Variants in TAF5L observed in about 807,000 individuals in gnomAD.
TAF5L encodes the protein TATA-box binding protein associated factor 5 like.
A neutral mutation model predicts 51.3 loss-of-function variants in TAF5L; 7 were observed. That is an observed-to-expected ratio of 0.14 (90% confidence interval 0.08 to 0.26). TAF5L has a LOEUF of 0.26. Ranked by LOEUF, TAF5L falls within the 10% of genes least tolerant of loss-of-function variation. The probability of loss-of-function intolerance (pLI) is 1.00; values close to 1 mark genes in which losing one functional copy is unlikely to be tolerated. For missense variants in TAF5L, 575 were observed against 758.9 expected (o/e 0.76, Z 2.85); for synonymous variants, 291 against 308.1 (o/e 0.94, Z 0.58).
chr1:229,622,053 CTATCTATCTATCTATA>C (rs1665223703), intron 1 of TAF5L, among the ~76,000 whole-genome samples: 1 of 141,058 alleles, frequency 7.1e-6, no homozygotes, highest in Non-Finnish European at 1.5e-5. Context: ...ATCTATCTAT[CTATCTATCTATCTATA>C]CAGATAGATA....
intron 2 of TAF5L, among the ~76,000 whole-genome samples, chr1:229,613,855 TA>T (rs1327643797): frequency 6.6e-6 from 1 of 151,932 alleles, no homozygotes; most frequent in Admixed American, 6.6e-5. Context: ...AAAAACAAAT[TA>T]AAAAAACTTC....
At chr1:229,612,121 A>G (rs951273240) in intron 2 of TAF5L, among the ~76,000 whole-genome samples, 1 of 152,266 alleles carries the variant, frequency 6.6e-6, no homozygotes, top group Non-Finnish European at 1.5e-5. Context: ...CACTTGGCCT[A>G]TAGCAGATGT....
intron 2 of TAF5L, among the ~76,000 whole-genome samples, chr1:229,610,561 A>G (rs1203828428): frequency 6.6e-6 from 1 of 152,208 alleles, no homozygotes; most frequent in African/African-American, 2.4e-5. Context: ...TTCATTGTCA[A>G]TCACTGTGCT....
chr1:229,603,770 G>A (rs1664478673), intron 3 of TAF5L, among the ~76,000 whole-genome samples: 1 of 152,254 alleles, frequency 6.6e-6, no homozygotes, highest in South Asian at 2.1e-4. Flanking sequence ...GGGTGAATGA[G>A]AAAAGAACAG....
Position 229,594,132 on chromosome 1 carries a change from C to A in TAF5L, c.*165G>T. 3 of 774,064 alleles carry A rather than the reference C, an allele frequency of 3.9e-6. 1 individual carries two copies. In the South Asian group the frequency reaches 5.7e-5, roughly 15 times the overall value. 47.9% of individuals were successfully genotyped at this position (774,064 alleles called of 1,614,324 possible). A position where few individuals can be genotyped will look rare whatever the true frequency, so the allele number is the denominator to read the frequency against. On this transcript the variant is annotated 3_prime_UTR_variant, in exon 5 of 5. Transcript: ENST00000258281. The surrounding 1 kb of genome is among the most constrained non-coding windows in gnomAD (Gnocchi z 7.9). ...TGTTCCCCTCCCCAACCTTGGCCTT[C>A]GACACTGGGGGGCTGAGTGAAGGGG... is the stretch of plus-strand genomic sequence containing the variant.
At chr1:229,624,941 T>C (rs1023184596) in intron 1 of TAF5L, among the ~76,000 whole-genome samples, 32 of 152,302 alleles carry the variant, frequency 2.1e-4, no homozygotes, top group African/African-American at 7.2e-4. Context: ...TTAATGTTCC[T>C]CTCAGCACAG....
rs1665265078 is a variant in TAF5L, at chr1:229,622,829, G to A, written c.-4+3056C>T. Among the ~76,000 whole-genome samples the A allele has an allele frequency of 2.0e-5, 3 of 152,112 alleles. No individual in the cohort carries two copies. The South Asian group carries it at 6.2e-4, about 32-fold the overall frequency. ...GGAGTCTCACTACGCTGCCCAGGTT[G>A]ATCTCAAACTCCTGTGCTCAAGTGA... On this transcript the variant is annotated intron_variant, in intron 1 of 4. Transcript: ENST00000258281.
chr1:229,599,019 T>C (rs1370074564), intron 4 of TAF5L, among the ~76,000 whole-genome samples: 1 of 152,156 alleles, frequency 6.6e-6, no homozygotes, highest in Non-Finnish European at 1.5e-5. Flanking sequence ...TATCTCCATT[T>C]CATATAGAAC....
Position 229,594,798 on chromosome 1 carries a change from T to C in TAF5L, c.1269A>G (p.Ala423=). 6.2e-7 allele frequency: 1 copy of C among 1,614,218 alleles called. No individual in the cohort carries two copies. Among genetic ancestry groups the C allele is most frequent in the Non-Finnish European group, 8.5e-7 (1 of 1,180,028 alleles). ...CACAGTCCACATCTGCCAGGTGTCC[T>C]GCATATATCCTCAGCGGGTACGTCC... The change falls in exon 5 of 5, where the codon GCA becomes GCG. Residue 423 remains alanine (A), a synonymous_variant. Coordinates refer to ENST00000258281, the Ensembl canonical transcript of TAF5L. The surrounding 1 kb of genome is among the most constrained non-coding windows in gnomAD (Gnocchi z 7.9).
intron 4 of TAF5L, among the ~76,000 whole-genome samples, chr1:229,595,427 T>G (rs1440456822): frequency 6.6e-6 from 1 of 152,244 alleles, no homozygotes; most frequent in Non-Finnish European, 1.5e-5. Context: ...CTTGTATGGT[T>G]AATTCTGATG....
At chr1:229,601,980 A>G in intron 4 of TAF5L, 1 of 1,385,664 alleles carries the variant, frequency 7.2e-7, no homozygotes, top group Non-Finnish European at 9.4e-7. Context: ...CTGACCATTC[A>G]TTAATAAGAA....
At chr1:229,613,136 G>T (rs1351095132) in intron 2 of TAF5L, among the ~76,000 whole-genome samples, 1 of 150,224 alleles carries the variant, frequency 6.7e-6, no homozygotes, top group African/African-American at 2.5e-5. Flanking sequence ...TGGACAACAT[G>T]GTAAGACCCC....
chr1:229,604,770 T>C (rs1664519716), intron 3 of TAF5L, among the ~76,000 whole-genome samples: 1 of 152,168 alleles, frequency 6.6e-6, no homozygotes, highest in South Asian at 2.1e-4. Context: ...GAGGCAACCA[T>C]GAATACCAGC....
chr1:229,615,278 G>T (rs958111159), intron 1 of TAF5L, among the ~76,000 whole-genome samples: 4 of 152,070 alleles, frequency 2.6e-5, no homozygotes, highest in Non-Finnish European at 5.9e-5. Flanking sequence ...TAGTAGAGAC[G>T]GGGTTTCACC....
chr1:229,618,816 C>G (rs1665100404), intron 1 of TAF5L, among the ~76,000 whole-genome samples: 1 of 152,108 alleles, frequency 6.6e-6, no homozygotes, highest in Non-Finnish European at 1.5e-5. Flanking sequence ...GCACCCTCAT[C>G]CACCATATCA....
chr1:229,610,569 G>A (rs1664751696), intron 2 of TAF5L, among the ~76,000 whole-genome samples: 1 of 152,196 alleles, frequency 6.6e-6, no homozygotes, highest in Non-Finnish European at 1.5e-5. Flanking sequence ...CAATCACTGT[G>A]CTGGGCACTT....
intron 4 of TAF5L, chr1:229,601,282 G>C (rs939712872): frequency 3.2e-5 from 32 of 985,232 alleles, no homozygotes; most frequent in Non-Finnish European, 3.7e-5. Flanking sequence ...AATTTAATTA[G>C]AGTGATTTTT....
chr1:229,594,461 C>T lies in TAF5L; in HGVS notation c.1606G>A (p.Val536Ile), dbSNP rs145852616. The change falls in exon 5 of 5, where the codon GTC becomes ATC. Residue 536 changes from valine to isoleucine, a missense_variant. Coordinates refer to ENST00000258281, the Ensembl canonical transcript of TAF5L. This position sits in a 1 kb window ranked among gnomAD's most constrained non-coding sequence, Gnocchi z 7.9. ...CAGTAAGTGTTCCTGATGTCCCAGACGCGCACCGAGTTGTCCATGGAGGCA... is the reference window on the plus strand; with the variant it reads ...CAGTAAGTGTTCCTGATGTCCCAGATGCGCACCGAGTTGTCCATGGAGGCA... 76 of 1,614,024 alleles carry T rather than the reference C, an allele frequency of 4.7e-5. No individual in the cohort carries two copies. Among genetic ancestry groups the T allele is most frequent in the Non-Finnish European group, 5.9e-5 (70 of 1,180,030 alleles).
chr1:229,617,275 T>G (rs1236921320), intron 1 of TAF5L, among the ~76,000 whole-genome samples: 1 of 152,184 alleles, frequency 6.6e-6, no homozygotes, highest in African/African-American at 2.4e-5. Flanking sequence ...TGTGTTATAT[T>G]TAGAGTAAAA....
Sources: allele counts gnomAD v4.1 joint callset (sites outside exome capture counted in the v4.1 genomes callset), GRCh38; gene constraint gnomAD v4.1.1; non-coding constraint Gnocchi (gnomAD v3.1); transcripts MANE v1.5; gene names NCBI Gene and HGNC (gene_info 2026-07-23, HGNC 2026-07-21).